The following PPHLN1 variants were observed in gnomAD, a reference collection of about 807,000 sequenced individuals.
The protein encoded by PPHLN1 is periphilin-1.
A neutral mutation model predicts 51.3 loss-of-function variants in PPHLN1; 29 were observed. That is an observed-to-expected ratio of 0.57 (90% CI 0.42 to 0.77). The LOEUF (loss-of-function observed/expected upper bound fraction) is 0.77, where lower values mean the gene tolerates loss of function less well. Ranked by LOEUF, PPHLN1 falls within the 30% of genes least tolerant of loss-of-function variation. PPHLN1 has a pLI of 0.00. For missense variants in PPHLN1, 436 were observed against 438.4 expected, an observed-to-expected ratio of 0.99 and a Z score of 0.05; for synonymous variants, 147 against 147.8, an observed-to-expected ratio of 0.99 and a Z score of 0.04.
At chr12:42,441,265 T>A (rs754992990) in intron 9 of PPHLN1, 50 bp from the exon 10 acceptor site, 5 of 1,533,390 alleles carry the variant, frequency 3.3e-6, no homozygotes, top group Middle Eastern at 1.9e-4. Flanking sequence ...GCTAAGTATT[T>A]GGCTAGTTAT....
At chr12:42,447,765 G>T (rs2083373162), downstream of PPHLN1, 1 of 152,120 alleles carries the variant, frequency 6.6e-6, no homozygotes, top group South Asian at 2.1e-4. Flanking sequence ...AAAAGAGGAA[G>T]TAGCAGTATG....
chr12:42,433,022 A>G, intron 9 of PPHLN1: 2 of 1,091,444 alleles, frequency 1.8e-6, no homozygotes, highest in Non-Finnish European at 2.8e-6. Context: ...CGCCTCTCTC[A>G]TATCCTCAGG....
chr12:42,411,209 A>T (rs1220955726), intron 9 of PPHLN1, among the ~76,000 whole-genome samples: 1 of 151,508 alleles, frequency 6.6e-6, no homozygotes, highest in East Asian at 1.9e-4. Flanking sequence ...CTTTAATTGT[A>T]TTTAATTTGC....
intron 9 of PPHLN1, among the ~76,000 whole-genome samples, chr12:42,432,875 T>C (rs2082158500): frequency 6.6e-6 from 1 of 152,250 alleles, no homozygotes; most frequent in South Asian, 2.1e-4. Flanking sequence ...CAAACGCATG[T>C]CACTCAAGAT....
intron 8 of PPHLN1, among the ~76,000 whole-genome samples, chr12:42,397,577 G>T (rs1030550765): frequency 9.4e-5 from 13 of 138,540 alleles, no homozygotes; most frequent in Non-Finnish European, 1.9e-4. Context: ...TACATATTGT[G>T]TATAGGCCTA....
intron 6 of PPHLN1, among the ~76,000 whole-genome samples, chr12:42,385,501 C>T (rs191332205): frequency 6.6e-6 from 1 of 152,120 alleles, no homozygotes; most frequent in Non-Finnish European, 1.5e-5. Flanking sequence ...AGGAAAGGTC[C>T]AAGACTATAC....
intron 9 of PPHLN1, among the ~76,000 whole-genome samples, chr12:42,405,385 A>C (rs2079200458): frequency 6.6e-6 from 1 of 152,218 alleles, no homozygotes; most frequent in South Asian, 2.1e-4. Flanking sequence ...TTACAGTGTG[A>C]GTTAATTGAT....
In PPHLN1 at chr12:42,336,254, G is replaced by A. The variant is rs532958998; in HGVS notation, c.72+280G>A. 3.9e-5 allele frequency among the ~76,000 whole-genome samples: 6 copies of A among 152,276 alleles called. 1 individual carries two copies. The East Asian group carries it at 5.8e-4, about 15-fold the overall frequency. On this transcript the variant is annotated intron_variant, in intron 2 of 9. Transcript: ENST00000358314. Reference sequence around the variant, plus strand: ...TGAACAAAATTACAGATTTTATAAAGATTATACCATCAGTTAGCAAAGAAG... The same window carrying A: ...TGAACAAAATTACAGATTTTATAAAAATTATACCATCAGTTAGCAAAGAAG...
At chr12:42,359,253 T>G (rs564131770) in intron 4 of PPHLN1, 23 of 152,232 alleles carry the variant, frequency 1.5e-4, no homozygotes, top group Non-Finnish European at 2.9e-4. Flanking sequence ...TTCTCTGTTT[T>G]CAGAGTATGG....
At chr12:42,379,210 C>G (rs1385759702) in intron 5 of PPHLN1, among the ~76,000 whole-genome samples, 1 of 151,914 alleles carries the variant, frequency 6.6e-6, no homozygotes, top group Non-Finnish European at 1.5e-5. Context: ...TGAAAAAAAT[C>G]ACTAAGTTCA....
At chr12:42,398,735 C>T (rs1224006658) in intron 8 of PPHLN1, 119 bp from the exon 9 acceptor site, 2 of 839,624 alleles carry the variant, frequency 2.4e-6, no homozygotes, top group Admixed American at 3.1e-5. Context: ...GTTTTCTTTT[C>T]TTAAAACATG....
chr12:42,368,063 T>G (rs894175442), intron 4 of PPHLN1, among the ~76,000 whole-genome samples: 3 of 152,212 alleles, frequency 2.0e-5, no homozygotes, highest in Non-Finnish European at 4.4e-5. Context: ...ATATTAATAT[T>G]TAAGACTGGC....
chr12:42,356,986 A>G (rs1230729481), intron 4 of PPHLN1, among the ~76,000 whole-genome samples: 4 of 152,274 alleles, frequency 2.6e-5, no homozygotes, highest in Non-Finnish European at 5.9e-5. Context: ...ATGTAATAAG[A>G]TCAACTATCA....
At chr12:42,342,695 T>C (rs2071678643) in intron 2 of PPHLN1, among the ~76,000 whole-genome samples, 1 of 152,244 alleles carries the variant, frequency 6.6e-6, no homozygotes, top group South Asian at 2.1e-4. Context: ...TTATCCCTGC[T>C]TCATTTTTCT....
At position 42,441,308 on chromosome 12, in the gene PPHLN1, C is replaced by T. The variant is rs1053987552; in HGVS notation, c.910-7C>T. 72 of 1,602,774 alleles carry T rather than the reference C, an allele frequency of 4.5e-5. No homozygotes were observed. The highest frequency in any genetic ancestry group is 5.5e-5 in the Non-Finnish European group (65 of 1,173,466). ...CTCAGCTAACCAGAATGTGTTTTAC[C>T]TTTTAGGTTTACCGACAAGACTGTG... On this transcript the variant is annotated splice_region_variant and splice_polypyrimidine_tract_variant and intron_variant, in intron 9 of 9. Transcript: ENST00000358314.
chr12:42,350,126 C>T (rs2073052053), intron 2 of PPHLN1: 1 of 151,332 alleles, frequency 6.6e-6, no homozygotes, highest in Non-Finnish European at 1.5e-5. Context: ...CCCCACCTCC[C>T]AGACGGGGCG....
chr12:42,376,014 C>T (rs986199870), intron 5 of PPHLN1, among the ~76,000 whole-genome samples: 4 of 152,046 alleles, frequency 2.6e-5, no homozygotes, highest in Non-Finnish European at 4.4e-5. Context: ...AACTTTGATA[C>T]AATAATTGAT....
intron 9 of PPHLN1, among the ~76,000 whole-genome samples, chr12:42,415,295 C>T (rs962434912): frequency 6.6e-6 from 1 of 152,190 alleles, no homozygotes; most frequent in Non-Finnish European, 1.5e-5. Flanking sequence ...CCTCAGCCTC[C>T]CGAGTAGCTG....
chr12:42,396,615 C>CAAAAAA (rs60131845), intron 8 of PPHLN1, among the ~76,000 whole-genome samples: 1,355 of 85,250 alleles, frequency 0.016, 233 homozygotes, highest in Non-Finnish European at 0.019. Context: ...CTTGTCACTA[C>CAAAAAA]AAAAAAAAAA....
Sources: allele counts gnomAD v4.1 joint callset (sites outside exome capture counted in the v4.1 genomes callset), GRCh38; gene constraint gnomAD v4.1.1; transcripts MANE v1.5; gene names NCBI Gene and HGNC (gene_info 2026-07-23, HGNC 2026-07-21).